SEZ6L: variants seen among roughly 807,000 people sequenced by gnomAD.
SEZ6L encodes the protein seizure related 6 homolog like.
A neutral mutation model predicts 106.2 loss-of-function variants in SEZ6L; 37 were observed. The observed-to-expected ratio is 0.35, with a 90% confidence interval of 0.27 to 0.46. SEZ6L has a LOEUF of 0.46. Ranked by LOEUF, SEZ6L falls within the 20% of genes least tolerant of loss-of-function variation. The pLI, the probability that SEZ6L is intolerant of heterozygous loss-of-function variation, is 1.00. For missense variants in SEZ6L, 1,172 were observed against 1,332.8 expected (o/e 0.88, Z 1.88); for synonymous variants, 541 against 570.4 (o/e 0.95, Z 0.73).
chr22:26,292,691 C>T lies in SEZ6L; in HGVS notation c.380C>T (p.Ser127Phe). 6.2e-7 allele frequency: 1 copy of T among 1,613,696 alleles called. No individual in the cohort carries two copies. The highest frequency in any genetic ancestry group is 8.5e-7 in the Non-Finnish European group (1 of 1,179,966). Residue 127 changes from serine (S) to phenylalanine (F), a missense_variant, in exon 2 of 17, where the codon TCT (serine) becomes TTT (phenylalanine). Physicochemically the swap from Ser to Phe is radical, Grantham distance 155. Coordinates refer to ENST00000248933, the MANE Select transcript of SEZ6L (RefSeq NM_021115.5). ...CTGCCTTCGCTCAAGCAGGTGAACT[C>T]TGCCAGGAAGCAGCTGAGGCCCAAG... is the stretch of plus-strand genomic sequence containing the variant. Reference protein sequence around the residue: ...KKLPSLKQVNSARKQLRPKAT... With the variant: ...KKLPSLKQVNFARKQLRPKAT...
At chr22:26,296,524 C>T (rs1328908743) in intron 3 of SEZ6L, among the ~76,000 whole-genome samples, 1 of 152,232 alleles carries the variant, frequency 6.6e-6, no homozygotes, top group African/African-American at 2.4e-5. Flanking sequence ...ATCTCAAGCA[C>T]AAGCTGATCC....
chr22:26,329,094 C>T (rs751465996), intron 9 of SEZ6L, among the ~76,000 whole-genome samples: 10 of 151,750 alleles, frequency 6.6e-5, no homozygotes, highest in Non-Finnish European at 1.3e-4. Flanking sequence ...AGTGGACAAG[C>T]GTTTTGGTGA....
At chr22:26,202,321 A>G (rs1165419220) in intron 1 of SEZ6L, among the ~76,000 whole-genome samples, 1 of 152,224 alleles carries the variant, frequency 6.6e-6, no homozygotes, top group Non-Finnish European at 1.5e-5. Context: ...CTATTGCTAG[A>G]TGATCCCATA....
intron 1 of SEZ6L, among the ~76,000 whole-genome samples, chr22:26,278,790 AAGGGAGGG>A (rs1257705841): frequency 2.7e-5 from 4 of 150,778 alleles, no homozygotes; most frequent in Admixed American, 6.6e-5. Context: ...GGAAGGAAGG[AAGGGAGGG>A]AGGAAGGAAG....
At chr22:26,263,669 A>G in intron 1 of SEZ6L, among the ~76,000 whole-genome samples, 1 of 152,206 alleles carries the variant, frequency 6.6e-6, no homozygotes, top group African/African-American at 2.4e-5. Context: ...CCTTTTATGC[A>G]GTGGCCTGTA....
intron 13 of SEZ6L, among the ~76,000 whole-genome samples, chr22:26,371,903 A>G (rs563935118): frequency 6.6e-6 from 1 of 152,282 alleles, no homozygotes; most frequent in South Asian, 2.1e-4. Context: ...CTGTAAGGAA[A>G]TGAGAAATCA....
At position 26,297,010 on chromosome 22, in the gene SEZ6L, C is replaced by T; in HGVS notation, c.1092C>T (p.Thr364=). 1 of 1,614,114 alleles carries T rather than the reference C, an allele frequency of 6.2e-7. No homozygotes were observed. The highest frequency in any genetic ancestry group is 1.1e-5 in the South Asian group (1 of 91,064). The part of the protein sequence containing the change: ...LVEGQVIRSP[T]NTISVYFRTF... ...AGGGGCAGGTAATCCGAAGCCCCACCAACACCATCTCCGTCTACTTCCGGA... is the reference window on the plus strand; with the variant it reads ...AGGGGCAGGTAATCCGAAGCCCCACTAACACCATCTCCGTCTACTTCCGGA... The change falls in exon 4 of 17, where the codon ACC becomes ACT. Residue 364 remains threonine, a synonymous_variant. Transcript: ENST00000248933.
intron 1 of SEZ6L, among the ~76,000 whole-genome samples, chr22:26,243,364 T>G (rs2079203336): frequency 6.6e-6 from 1 of 152,188 alleles, no homozygotes; most frequent in Non-Finnish European, 1.5e-5. Context: ...AGATAATGAA[T>G]AAGCAGGAAA....
At chr22:26,195,737 G>T (rs969212645) in intron 1 of SEZ6L, among the ~76,000 whole-genome samples, 10 of 151,898 alleles carry the variant, frequency 6.6e-5, no homozygotes, top group African/African-American at 2.4e-4. Flanking sequence ...GTATGTGTAT[G>T]TATGTGTGTG....
chr22:26,187,094 A>G (rs1042461546), intron 1 of SEZ6L, among the ~76,000 whole-genome samples: 2 of 152,212 alleles, frequency 1.3e-5, no homozygotes, highest in African/African-American at 2.4e-5. Flanking sequence ...TCATGCTGCT[A>G]TGAAGAACTA....
chr22:26,232,870 C>T (rs73417582), intron 1 of SEZ6L, among the ~76,000 whole-genome samples: 2,909 of 152,306 alleles, frequency 0.019, 110 homozygotes, highest in African/African-American at 0.066. Flanking sequence ...GGGAGGAACA[C>T]GGGGACGATG....
intron 9 of SEZ6L, among the ~76,000 whole-genome samples, chr22:26,325,169 C>A (rs536510929): frequency 6.6e-6 from 1 of 152,342 alleles, no homozygotes; most frequent in African/African-American, 2.4e-5. Context: ...CTTGAGCCCA[C>A]ACTAGGAAGT....
Position 26,223,791 on chromosome 22 carries a change from T to C in SEZ6L, c.94+54028T>C, listed in dbSNP as rs575356292. On this transcript the variant is annotated intron_variant, in intron 1 of 16. Transcript: ENST00000248933. Reference sequence around the variant, plus strand: ...TCAACAGTAATAATTATTATCATCATGGTCATTGTCATCATAATTGTTATT... The same window carrying C: ...TCAACAGTAATAATTATTATCATCACGGTCATTGTCATCATAATTGTTATT... Among the ~76,000 whole-genome samples the C allele has an allele frequency of 2.1e-3, 321 of 152,292 alleles. 2 individuals carry two copies. The highest frequency in any genetic ancestry group is 7.5e-3 in the African/African-American group (312 of 41,550).
chr22:26,302,530 G>T (rs2145905125), intron 5 of SEZ6L, among the ~76,000 whole-genome samples: 1 of 152,324 alleles, frequency 6.6e-6, no homozygotes, highest in Admixed American at 6.5e-5. Flanking sequence ...CATAATTCCT[G>T]CCCTCCAGTT....
intron 1 of SEZ6L, among the ~76,000 whole-genome samples, chr22:26,270,132 A>G (rs2080316432): frequency 6.6e-6 from 1 of 152,198 alleles, no homozygotes; most frequent in African/African-American, 2.4e-5. Flanking sequence ...TTTCATATCT[A>G]TAAAATGGAC....
chr22:26,327,212 A>G (rs1569464561), intron 9 of SEZ6L, among the ~76,000 whole-genome samples: 1 of 100,556 alleles, frequency 9.9e-6, no homozygotes, highest in Non-Finnish European at 1.9e-5. Context: ...GGCAGTATAT[A>G]CCACACACCA....
At chr22:26,375,484 C>A in intron 14 of SEZ6L, 91 bp from the exon 15 acceptor site, 1 of 983,980 alleles carries the variant, frequency 1.0e-6, no homozygotes, top group Non-Finnish European at 1.6e-6. Context: ...CTTGGAAAGC[C>A]GTCTCCAAAG....
chr22:26,206,306 T>A (rs976589), intron 1 of SEZ6L, among the ~76,000 whole-genome samples: 32,583 of 152,148 alleles, frequency 0.21, 3,748 homozygotes, highest in Non-Finnish European at 0.26. Flanking sequence ...TTACCCCCAA[T>A]TCCTGCTCCA....
chr22:26,285,338 T>C (rs2080902891), intron 1 of SEZ6L, among the ~76,000 whole-genome samples: 1 of 152,360 alleles, frequency 6.6e-6, no homozygotes, highest in African/African-American at 2.4e-5. Flanking sequence ...CCAACTTCTT[T>C]ATTTATAAAA....
Sources: gnomAD v4.1 joint callset for allele counts (sites outside exome capture counted in the v4.1 genomes callset) on GRCh38, gnomAD v4.1.1 for gene constraint, MANE v1.5 for transcripts, NCBI Gene and HGNC (gene_info 2026-07-23, HGNC 2026-07-21) for gene names.